The following COG5 variants were observed in gnomAD, a reference collection of about 807,000 sequenced individuals.
COG5 encodes the protein conserved oligomeric Golgi complex subunit 5.
COG5 carries 86 observed loss-of-function variants against 110.4 expected under a neutral mutation model. The ratio of observed to expected loss-of-function variants is 0.78; its 90% CI spans 0.65 to 0.93. The LOEUF is 0.93. COG5 is among the 40% of genes least tolerant of loss of function. The pLI, the probability that COG5 is intolerant of heterozygous loss-of-function variation, is 0.00. For missense variants in COG5, 1,077 were observed against 987.0 expected (o/e 1.09, Z -1.22); for synonymous variants, 360 against 334.6 (o/e 1.08, Z -0.83).
At chr7:107,555,285 C>A (rs1803224372) in intron 2 of COG5, among the ~76,000 whole-genome samples, 1 of 152,160 alleles carries the variant, frequency 6.6e-6, no homozygotes, top group African/African-American at 2.4e-5. Flanking sequence ...CAAAATCATG[C>A]AAATCTTTAG....
intron 8 of COG5, among the ~76,000 whole-genome samples, chr7:107,364,827 G>C (rs184251253): frequency 5.9e-5 from 9 of 152,166 alleles, no homozygotes; most frequent in Non-Finnish European, 1.2e-4. Flanking sequence ...AATAATCTAT[G>C]AGAAAGATGT....
intron 9 of COG5, 34 bp from the exon 10 acceptor site, chr7:107,362,144 GA>G: frequency 6.6e-7 from 1 of 1,523,436 alleles, no homozygotes; most frequent in Non-Finnish European, 9.0e-7. Context: ...TTAGGCAATA[GA>G]AAAAGCAAGA....
chr7:107,517,345 G>T (rs1011359785), intron 6 of COG5, among the ~76,000 whole-genome samples: 3 of 152,142 alleles, frequency 2.0e-5, no homozygotes, highest in African/African-American at 7.2e-5. Context: ...ATGGAACTAT[G>T]TAAAAATAAA....
At chr7:107,429,293 C>T (rs1380201849) in intron 6 of COG5, among the ~76,000 whole-genome samples, 2 of 151,928 alleles carry the variant, frequency 1.3e-5, no homozygotes, top group Non-Finnish European at 2.9e-5. Context: ...AGAATGTTAC[C>T]ATATGTCTTT....
chr7:107,389,564 A>C (rs1790463103), intron 7 of COG5, among the ~76,000 whole-genome samples: 1 of 152,188 alleles, frequency 6.6e-6, no homozygotes, highest in Non-Finnish European at 1.5e-5. Flanking sequence ...CAAAGCTGGG[A>C]AAGTAACGGA....
rs78196899 is a variant in COG5, at chr7:107,266,361, A to G, written c.1576-7978T>C. Among the ~76,000 whole-genome samples, 811 of 152,308 alleles carry G rather than the reference A, an allele frequency of 5.3e-3. 9 individuals carry two copies. Among genetic ancestry groups the G allele is most frequent in the African/African-American group, 0.019 (789 of 41,570 alleles). ...CATAAATAAGATACACAGAACATGT[A>G]CCTGAAGAAGGCAAATTCTACTTAG... is the stretch of plus-strand genomic sequence containing the variant. On this transcript the variant is annotated intron_variant, in intron 14 of 21. Coordinates refer to ENST00000297135, the MANE Select transcript of COG5 (RefSeq NM_006348.5).
chr7:107,390,255 T>G (rs919063894), intron 7 of COG5, among the ~76,000 whole-genome samples: 2 of 152,126 alleles, frequency 1.3e-5, no homozygotes, highest in African/African-American at 4.8e-5. Context: ...GGCAACTGCT[T>G]GCCTTGCTGT....
chr7:107,209,289 A>T (rs1309484207), intron 21 of COG5: 2 of 965,656 alleles, frequency 2.1e-6, no homozygotes, highest in East Asian at 2.3e-4. Flanking sequence ...TTGAATGATG[A>T]TGTAAAGGTT....
chr7:107,457,871 A>G (rs1041687988), intron 6 of COG5, among the ~76,000 whole-genome samples: 3 of 152,218 alleles, frequency 2.0e-5, no homozygotes, highest in African/African-American at 7.2e-5. Context: ...ACCACAACAA[A>G]AACACTGATC....
At chr7:107,342,954 C>A (rs1285214703) in intron 10 of COG5, among the ~76,000 whole-genome samples, 1 of 152,154 alleles carries the variant, frequency 6.6e-6, no homozygotes, top group Non-Finnish European at 1.5e-5. Flanking sequence ...ATAGCAAAGA[C>A]AGAGAATCAA....
chr7:107,476,896 T>C (rs1311585402), intron 6 of COG5, among the ~76,000 whole-genome samples: 2 of 151,664 alleles, frequency 1.3e-5, no homozygotes, highest in Admixed American at 6.6e-5. Context: ...CTTGGAGAAA[T>C]GAATACCATG....
intron 6 of COG5, among the ~76,000 whole-genome samples, chr7:107,507,973 T>C (rs1799155367): frequency 6.6e-6 from 1 of 152,190 alleles, no homozygotes; most frequent in Non-Finnish European, 1.5e-5. Flanking sequence ...ACGGGTGATT[T>C]CTGCATTTCC....
intron 6 of COG5, among the ~76,000 whole-genome samples, chr7:107,478,658 T>C (rs986651533): frequency 6.6e-6 from 1 of 151,960 alleles, no homozygotes; most frequent in African/African-American, 2.4e-5. Context: ...GAAAAAAACA[T>C]AGTACATGAT....
Position 107,201,432 on chromosome 7 carries a change from A to G in COG5, c.*2084T>C. The G allele has an allele frequency of 6.3e-7, 1 of 1,575,720 alleles. No homozygotes were observed. The highest frequency in any genetic ancestry group is 1.3e-5 in the African/African-American group (1 of 74,266). ...TCCACAGGGCTCACAACAACATTAAACCAGGATGCTTATGTTCTTAAGTCT... is the reference window on the plus strand; with the variant it reads ...TCCACAGGGCTCACAACAACATTAAGCCAGGATGCTTATGTTCTTAAGTCT... On this transcript the variant is annotated 3_prime_UTR_variant, in exon 22 of 22. Coordinates refer to ENST00000297135, the MANE Select transcript of COG5 (RefSeq NM_006348.5).
chr7:107,361,938 G>A, intron 10 of COG5, 95 bp downstream of exon 10: 1 of 772,680 alleles, frequency 1.3e-6, no homozygotes. Context: ...CTGATATGTA[G>A]CCACTCTATA....
At chr7:107,464,156 G>A (rs2129103102) in intron 6 of COG5, among the ~76,000 whole-genome samples, 1 of 152,286 alleles carries the variant, frequency 6.6e-6, no homozygotes, top group African/African-American at 2.4e-5. Flanking sequence ...CAGCAAGACT[G>A]CATTTACATT....
chr7:107,447,891 C>T (rs1174573399), intron 6 of COG5, among the ~76,000 whole-genome samples: 1 of 152,208 alleles, frequency 6.6e-6, no homozygotes, highest in African/African-American at 2.4e-5. Context: ...CACAGTGGCT[C>T]ACACCCGTAA....
intron 11 of COG5, among the ~76,000 whole-genome samples, chr7:107,316,846 A>G (rs1808811016): frequency 6.6e-6 from 1 of 152,006 alleles, no homozygotes; most frequent in South Asian, 2.1e-4. Context: ...AAAAAAAGAA[A>G]GAAAAGCAGA....
intron 12 of COG5, among the ~76,000 whole-genome samples, chr7:107,286,340 C>A (rs915383529): frequency 6.6e-6 from 1 of 152,286 alleles, no homozygotes; most frequent in African/African-American, 2.4e-5. Flanking sequence ...GTAATTTATG[C>A]TACATGACCC....
Sources: gnomAD v4.1 joint callset for allele counts (sites outside exome capture counted in the v4.1 genomes callset) on GRCh38, gnomAD v4.1.1 for gene constraint, MANE v1.5 for transcripts, NCBI Gene and HGNC (gene_info 2026-07-23, HGNC 2026-07-21) for gene names.